Variants in SORCS3 observed in about 807,000 individuals in gnomAD.
The protein encoded by SORCS3 is sortilin related VPS10 domain containing receptor 3, also known as VPS10 domain-containing receptor SorCS3.
In SORCS3, 57 loss-of-function variants were observed where a neutral mutation model predicts 146.3. The observed-to-expected ratio is 0.39, with a 90% CI of 0.31 to 0.49. The LOEUF is 0.49. SORCS3 is among the 20% of genes least tolerant of loss of function. SORCS3 has a pLI of 0.92. For missense variants in SORCS3, 1,341 were observed against 1,575.5 expected, an observed-to-expected ratio of 0.85 and a Z score of 2.52; for synonymous variants, 653 against 618.5, an observed-to-expected ratio of 1.06 and a Z score of -0.83.
At chr10:104,733,373 A>G (rs533421736) in intron 1 of SORCS3, among the ~76,000 whole-genome samples, 16 of 152,082 alleles carry the variant, frequency 1.1e-4, no homozygotes, top group Non-Finnish European at 2.9e-5. Flanking sequence ...TTTTTTAGAG[A>G]CAGGGTCTTG....
intron 22 of SORCS3, among the ~76,000 whole-genome samples, chr10:105,251,244 G>T (rs1455295472): frequency 1.3e-5 from 2 of 152,204 alleles, no homozygotes. Flanking sequence ...AAGAGTGGCA[G>T]AGCGAAGGGG....
intron 1 of SORCS3, among the ~76,000 whole-genome samples, chr10:104,741,648 A>G (rs1020224081): frequency 4.1e-5 from 1 of 24,570 alleles, no homozygotes; most frequent in African/African-American, 1.7e-4. Context: ...AATAATTTCT[A>G]TTTTTCTGTC....
intron 1 of SORCS3, among the ~76,000 whole-genome samples, chr10:104,827,524 G>T (rs1409335298): frequency 6.6e-6 from 1 of 152,102 alleles, no homozygotes; most frequent in Non-Finnish European, 1.5e-5. Context: ...AGTAAACTGT[G>T]CTGTAAAAAG....
intron 1 of SORCS3, among the ~76,000 whole-genome samples, chr10:104,681,645 G>A (rs1219624502): frequency 1.3e-5 from 2 of 152,144 alleles, no homozygotes; most frequent in Non-Finnish European, 2.9e-5. Context: ...GTTGAAGCCA[G>A]AGTCTTTCCC....
intron 3 of SORCS3, among the ~76,000 whole-genome samples, chr10:104,917,159 G>C (rs1372083133): frequency 6.6e-6 from 1 of 152,178 alleles, no homozygotes; most frequent in Non-Finnish European, 1.5e-5. Context: ...CACTAGCCAA[G>C]TGCCAAAGCT....
chr10:105,144,912 A>T (rs368925751), intron 8 of SORCS3, among the ~76,000 whole-genome samples: 18 of 152,222 alleles, frequency 1.2e-4, no homozygotes, highest in African/African-American at 3.8e-4. Flanking sequence ...GGTTGACCCC[A>T]TTCAACCATA....
intron 19 of SORCS3, among the ~76,000 whole-genome samples, chr10:105,217,588 AG>A (rs1468782080): frequency 1.3e-5 from 2 of 152,252 alleles, no homozygotes; most frequent in African/African-American, 4.8e-5. Context: ...TTTTTAATTT[AG>A]AACTAAACAC....
At chr10:105,081,417 G>A (rs1181459559) in intron 5 of SORCS3, among the ~76,000 whole-genome samples, 1 of 152,186 alleles carries the variant, frequency 6.6e-6, no homozygotes, top group Non-Finnish European at 1.5e-5. Flanking sequence ...AGCTCTAGCT[G>A]TGTCTTTGCA....
In SORCS3 at chr10:105,247,220, A is replaced by G. The variant is rs369781966; in HGVS notation, c.2994A>G (p.Glu998=). The G allele has an allele frequency of 5.7e-6, 9 of 1,574,240 alleles. No homozygotes were observed. In the African/African-American group the frequency reaches 9.5e-5, roughly 17 times the overall value. Residue 998 remains glutamate, a splice_region_variant and synonymous_variant, in exon 22 of 27, where the codon GAA becomes GAG. Coordinates refer to ENST00000369701, the MANE Select transcript of SORCS3 (RefSeq NM_014978.3). ...IQDTKEIAVH[E]YFQSQLLSFS... is the part of the protein sequence containing the mutation. ...CTTAAACATTCTCTCTCCCTGCAGA[A>G]TATTTCCAGTCCCAGCTTTTATCAT...
At chr10:104,770,656 C>A (rs2017237408) in intron 1 of SORCS3, among the ~76,000 whole-genome samples, 1 of 151,396 alleles carries the variant, frequency 6.6e-6, no homozygotes, top group South Asian at 2.1e-4. Context: ...CCCATCTCTA[C>A]CAAAAAAATA....
chr10:104,985,872 C>A (rs1171128433), intron 4 of SORCS3, among the ~76,000 whole-genome samples: 2 of 152,162 alleles, frequency 1.3e-5, no homozygotes, highest in Admixed American at 1.3e-4. Context: ...TATACTTAAA[C>A]AGATGTGCTG....
At chr10:104,751,344 C>A (rs1589484959) in intron 1 of SORCS3, among the ~76,000 whole-genome samples, 2 of 152,266 alleles carry the variant, frequency 1.3e-5, no homozygotes. Context: ...AATGGCATTA[C>A]TACAGATTAT....
At chr10:104,955,021 A>G (rs2019472109) in intron 3 of SORCS3, among the ~76,000 whole-genome samples, 1 of 152,214 alleles carries the variant, frequency 6.6e-6, no homozygotes, top group African/African-American at 2.4e-5. Context: ...TAAATAACTA[A>G]ATAATTAACT....
intron 1 of SORCS3, among the ~76,000 whole-genome samples, chr10:104,674,812 C>A (rs754413317): frequency 6.6e-6 from 1 of 151,818 alleles, no homozygotes; most frequent in Non-Finnish European, 1.5e-5. Flanking sequence ...GAGATTTAAC[C>A]CTGTGGATAT....
At chr10:105,174,667 G>A (rs1247300338) in intron 13 of SORCS3, among the ~76,000 whole-genome samples, 2 of 123,248 alleles carry the variant, frequency 1.6e-5, no homozygotes, top group Non-Finnish European at 3.8e-5. Flanking sequence ...TGTCATCTTT[G>A]GGCTTCAGTT....
chr10:104,703,195 G>T (rs781773797), intron 1 of SORCS3, among the ~76,000 whole-genome samples: 2 of 152,100 alleles, frequency 1.3e-5, no homozygotes, highest in Non-Finnish European at 2.9e-5. Flanking sequence ...AAAATGATTC[G>T]GGTTGAGGGC....
intron 2 of SORCS3, among the ~76,000 whole-genome samples, chr10:104,847,763 C>T (rs901174097): frequency 1.3e-5 from 2 of 152,148 alleles, no homozygotes; most frequent in Non-Finnish European, 2.9e-5. Context: ...TGCTTTATTG[C>T]ACCCACCCTT....
intron 14 of SORCS3, among the ~76,000 whole-genome samples, chr10:105,190,396 A>G (rs2056508734): frequency 6.6e-6 from 1 of 152,208 alleles, no homozygotes; most frequent in Admixed American, 6.5e-5. Context: ...CACTAATATT[A>G]GTAATATTAA....
At chr10:105,021,521 A>C (rs1410629534) in intron 4 of SORCS3, among the ~76,000 whole-genome samples, 1 of 152,218 alleles carries the variant, frequency 6.6e-6, no homozygotes, top group East Asian at 1.9e-4. Flanking sequence ...TTGCTCTTTT[A>C]GAATTCAAGC....
Sources: gnomAD v4.1 joint callset for allele counts (sites outside exome capture counted in the v4.1 genomes callset) on GRCh38, gnomAD v4.1.1 for gene constraint, MANE v1.5 for transcripts, NCBI Gene and HGNC (gene_info 2026-07-23, HGNC 2026-07-21) for gene names.